Variants in KRT84 observed in about 807,000 individuals in gnomAD.
KRT84 encodes the protein keratin 84.
Under a neutral mutation model 49.0 loss-of-function variants are expected in KRT84, and 38 were observed. The observed-to-expected ratio is 0.78, with a 90% CI of 0.60 to 1.02. The LOEUF is 1.02. Among genes scored for constraint, KRT84 ranks in the 50% least tolerant of loss-of-function variants. The pLI is 0.00. For missense variants in KRT84, 860 were observed against 788.6 expected, an observed-to-expected ratio of 1.09 and a Z score of -1.08; for synonymous variants, 334 against 312.8, an observed-to-expected ratio of 1.07 and a Z score of -0.72.
chr12:52,385,004 T>C (rs1939548492), intron 1 of KRT84, 36 bp downstream of exon 1: 1 of 1,569,594 alleles, frequency 6.4e-7, no homozygotes. Context: ...TTGGCTGTAA[T>C]ATTCCTAGAC....
intron 8 of KRT84, 99 bp downstream of exon 8, chr12:52,379,777 C>T (rs543772092): frequency 1.1e-4 from 109 of 949,838 alleles, no homozygotes; most frequent in South Asian, 7.6e-4. Flanking sequence ...GTGGCCAGAC[C>T]GGCCATGTCG....
chr12:52,381,290 T>C, intron 5 of KRT84, 71 bp downstream of exon 5: 3 of 1,610,230 alleles, frequency 1.9e-6, no homozygotes, highest in South Asian at 1.1e-5. Flanking sequence ...CAAACCTCCC[T>C]GGGCCTGATC....
rs560401105 is a variant in KRT84 at position 52,380,485 on chromosome 12, C to G, written c.1302G>C (p.Leu434=). Residue 434 remains leucine (L), a synonymous_variant, in exon 7 of 9, where the codon CTG becomes CTC. Transcript: ENST00000257951. Reference sequence around the variant, plus strand: ...GCGCCATGTCCTGCTTGGCCTGCTGCAGGGCACACTCCAGATCTGCCAGCT... The same window carrying G: ...GCGCCATGTCCTGCTTGGCCTGCTGGAGGGCACACTCCAGATCTGCCAGCT... The part of the protein sequence containing the change: ...KCKLADLECA[L]QQAKQDMARQ... The G allele has an allele frequency of 6.2e-7, 1 of 1,614,046 alleles. No homozygotes were observed. The highest frequency in any genetic ancestry group is 1.7e-5 in the Admixed American group (1 of 60,018).
Position 52,379,483 on chromosome 12 carries a change from A to T in KRT84, c.1456+393T>A, listed in dbSNP as rs559299496. Among the ~76,000 whole-genome samples, 6 of 152,180 alleles carry T rather than the reference A, an allele frequency of 3.9e-5. No homozygotes were observed. In the South Asian group the frequency reaches 1.2e-3, roughly 32 times the overall value. ...ATGCTTCGGCTGCAGCAGTGGGGAG[A>T]CTTCCATTTGGCCTTATTGCGTTCC... On this transcript the variant is annotated intron_variant, in intron 8 of 8. Transcript: ENST00000257951.
At chr12:52,378,513 C>T (rs2121429817) in intron 8 of KRT84, 133 bp from the exon 9 acceptor site, 3 of 612,012 alleles carry the variant, frequency 4.9e-6, no homozygotes, top group Middle Eastern at 4.4e-4. Context: ...GAAGTGGTCC[C>T]TATTGTCTAT....
upstream of KRT84, among the ~76,000 whole-genome samples, chr12:52,386,465 T>C (rs959506800): frequency 4.0e-5 from 6 of 150,560 alleles, no homozygotes; most frequent in Non-Finnish European, 7.4e-5. Flanking sequence ...CAAGTGATCC[T>C]CCCGCCTCCG....
chr12:52,386,301 G>A (rs1939573091), upstream of KRT84, among the ~76,000 whole-genome samples: 1 of 152,052 alleles, frequency 6.6e-6, no homozygotes, highest in African/African-American at 2.4e-5. Flanking sequence ...TAGAGTGCCT[G>A]CTATGTATCC....
chr12:52,385,632 G>A lies in KRT84; in HGVS notation c.-47C>T. ...AAAAGAGCAAGTGTAGAATGGGTGA[G>A]CTGGAGCTGGGAGTCCCTCTGAGGC... On this transcript the variant is annotated 5_prime_UTR_variant, in exon 1 of 9. Transcript: ENST00000257951. 2 of 1,571,608 alleles carry A rather than the reference G, an allele frequency of 1.3e-6. No individual in the cohort carries two copies. Among genetic ancestry groups the A allele is most frequent in the Non-Finnish European group, 1.7e-6 (2 of 1,154,682 alleles).
rs553147629 is a variant in KRT84, at chr12:52,385,359, C to G, written c.227G>C (p.Gly76Ala). The change falls in exon 1 of 9, where the codon GGA (glycine) becomes GCA (alanine). Residue 76 changes from glycine (G) to alanine (A), a missense_variant. Coordinates refer to ENST00000257951, the MANE Select transcript of KRT84 (RefSeq NM_033045.4). The part of the protein sequence containing the change: ...AAVGSRPIHC[G>A]VRFGAGCGMG... ...CCCACAGCCAGCACCAAAGCGGACT[C>G]CACAGTGGATGGGCCGAGAGCCTAC... 1 of 1,614,232 alleles carries G rather than the reference C, an allele frequency of 6.2e-7. No individual in the cohort carries two copies. Among genetic ancestry groups the G allele is most frequent in the Admixed American group, 1.7e-5 (1 of 60,028 alleles).
At position 52,383,635 on chromosome 12, in the gene KRT84, G is replaced by T; in HGVS notation, c.710C>A (p.Ala237Asp). The part of the protein sequence containing the change: ...VLVSDQARLQ[A>D]ERNHLQDVLE... The stretch of plus-strand genomic sequence containing the variant: ...GACATCCTGCAGGTGGTTCCTCTCA[G>T]CCTGGAGCCGGGCCTGATCACTGAC... Residue 237 changes from alanine (A) to aspartate (D), a missense_variant, in exon 2 of 9, where the codon GCT becomes GAT. Transcript: ENST00000257951. 1 of 1,613,862 alleles carries T rather than the reference G, an allele frequency of 6.2e-7. No homozygotes were observed. Among genetic ancestry groups the T allele is most frequent in the Non-Finnish European group, 8.5e-7 (1 of 1,180,036 alleles).
intron 4 of KRT84, 129 bp from the exon 5 acceptor site, chr12:52,381,654 A>G (rs771947673): frequency 1.0e-5 from 9 of 891,262 alleles, no homozygotes; most frequent in Admixed American, 9.5e-5. Context: ...AAAAAGCAAG[A>G]CCATCTAAAT....
rs1254063184 is a variant in KRT84 at position 52,385,612 on chromosome 12, A to G, written c.-27T>C. ...ATGGCTTCCTGGTTGGGAGCAAAAG[A>G]GCAAGTGTAGAATGGGTGAGCTGGA... On this transcript the variant is annotated 5_prime_UTR_variant, in exon 1 of 9. Coordinates refer to ENST00000257951, the MANE Select transcript of KRT84 (RefSeq NM_033045.4). 6.2e-7 allele frequency: 1 copy of G among 1,602,438 alleles called. No individual in the cohort carries two copies. Among genetic ancestry groups the G allele is most frequent in the Non-Finnish European group, 8.5e-7 (1 of 1,174,392 alleles).
chr12:52,381,627 T>A, intron 4 of KRT84, 102 bp from the exon 5 acceptor site: 1 of 1,137,066 alleles, frequency 8.8e-7, no homozygotes, highest in East Asian at 2.4e-5. Context: ...GCAGAGAGCA[T>A]CACTCATTGG....
At chr12:52,381,284 C>T in intron 5 of KRT84, 77 bp downstream of exon 5, 1 of 1,608,326 alleles carries the variant, frequency 6.2e-7, no homozygotes, top group Admixed American at 1.7e-5. Context: ...GGGCTTCAAA[C>T]CTCCCTGGGC....
chr12:52,377,961 C>G lies in KRT84; in HGVS notation c.*73G>C, dbSNP rs778745383. 38 of 1,233,440 alleles carry G rather than the reference C, an allele frequency of 3.1e-5. No homozygotes were observed. Among genetic ancestry groups the G allele is most frequent in the Non-Finnish European group, 4.0e-5 (37 of 934,680 alleles). 76.4% of individuals were successfully genotyped at this position (1,233,440 alleles called of 1,614,324 possible). ...TGGAGACCGTCAAGCCCAGAGCCCA[C>G]GAACCCTGGGGGCAGAAGCAGGAGC... On this transcript the variant is annotated 3_prime_UTR_variant, in exon 9 of 9. Transcript: ENST00000257951.
chr12:52,379,781 C>A lies in KRT84; in HGVS notation c.1456+95G>T, dbSNP rs574177618. The A allele has an allele frequency of 2.3e-5, 23 of 1,002,396 alleles. No homozygotes were observed. In the African/African-American group the frequency reaches 3.3e-4, roughly 14 times the overall value. The allele number at this position is 1,002,396 out of a possible 1,614,324, so 62.1% of individuals were successfully genotyped here. ...CCCTGACTGTCGTGGCCAGACCGGCCATGTCGGACGCCTCCTGACCCCAGT... is the reference window on the plus strand; with the variant it reads ...CCCTGACTGTCGTGGCCAGACCGGCAATGTCGGACGCCTCCTGACCCCAGT... On this transcript the variant is annotated intron_variant, in intron 8 of 8. Coordinates refer to ENST00000257951, the MANE Select transcript of KRT84 (RefSeq NM_033045.4).
rs555664952 is a variant in KRT84 at position 52,378,323 on chromosome 12, G to T, written c.1514C>A (p.Ser505Tyr). The T allele has an allele frequency of 1.4e-4, 219 of 1,530,416 alleles. 1 individual carries two copies. In the South Asian group the frequency reaches 2.6e-3, roughly 18 times the overall value. 94.8% of individuals were successfully genotyped at this position (1,530,416 alleles called of 1,614,324 possible). ...VCGPEPLVAG[S>Y]TLSRGGVTFS... ...GGTGACCCCGCCGCGGGAGAGGGTG[G>T]AGCCGGCAACCAAAGGCTCAGGCCC... Residue 505 changes from serine to tyrosine, a missense_variant, in exon 9 of 9, where the codon TCC becomes TAC. By Grantham distance (144) the Ser-to-Tyr change is moderately radical. Transcript: ENST00000257951.
upstream of KRT84, among the ~76,000 whole-genome samples, chr12:52,386,150 C>A (rs1939571061): frequency 6.6e-6 from 1 of 152,136 alleles, no homozygotes; most frequent in Non-Finnish European, 1.5e-5. Flanking sequence ...TCAATTAAAT[C>A]ATCAAAAAAC....
intron 1 of KRT84, 135 bp downstream of exon 1, chr12:52,384,905 T>C: frequency 2.1e-6 from 2 of 932,072 alleles, no homozygotes; most frequent in Non-Finnish European, 1.6e-6. Context: ...CCACAATGCC[T>C]GAGGTAGGCA....
Sources: allele counts gnomAD v4.1 joint callset (sites outside exome capture counted in the v4.1 genomes callset), GRCh38; gene constraint gnomAD v4.1.1; transcripts MANE v1.5; gene names NCBI Gene and HGNC (gene_info 2026-07-23, HGNC 2026-07-21).